The following RSF1 variants were observed in gnomAD, a reference collection of about 807,000 sequenced individuals.
The protein encoded by RSF1 is HBV pX-associated protein 8.
In RSF1, 13 loss-of-function variants were observed where a neutral mutation model predicts 145.2. The observed-to-expected ratio is 0.09, with a 90% CI of 0.06 to 0.14. RSF1 has a LOEUF of 0.14. RSF1 is among the 10% of genes least tolerant of loss of function. The pLI is 1.00. For synonymous variants in RSF1, 577 were observed against 592.6 expected, an observed-to-expected ratio of 0.97 and a Z score of 0.38; for missense variants, 1,517 against 1,718.2, an observed-to-expected ratio of 0.88 and a Z score of 2.07.
At chr11:77,828,762 G>A in the RSF1 span, among the ~76,000 whole-genome samples, 1 of 152,028 alleles carries the variant, frequency 6.6e-6, no homozygotes, top group African/African-American at 2.4e-5. Context: ...TTCATGGATT[G>A]GAAGATTTAA....
chr11:77,734,862 GTA>G lies in RSF1; in HGVS notation c.578+5867_578+5868del, dbSNP rs1453624206. ...TCTCCTCATGAGATTGGTGAAGAAA[GTA>G]TTTGGCAAAGTTCTTCAAAGCCACA... On this transcript the variant is annotated intron_variant, in intron 4 of 15. Transcript: ENST00000308488. 2.5e-6 allele frequency: 4 copies of G among 1,584,304 alleles called. No homozygotes were observed. The East Asian group carries it at 8.9e-5, about 35-fold the overall frequency.
intron 1 of RSF1, among the ~76,000 whole-genome samples, chr11:77,814,786 T>C (rs1466944828): frequency 6.6e-6 from 1 of 152,178 alleles, no homozygotes; most frequent in Non-Finnish European, 1.5e-5. Flanking sequence ...ACCTCAGAAA[T>C]CCTTTGATAA....
chr11:77,790,444 A>G (rs1253896945), intron 1 of RSF1, among the ~76,000 whole-genome samples: 2 of 152,100 alleles, frequency 1.3e-5, no homozygotes, highest in African/African-American at 4.8e-5. Context: ...CAGCCAAGCC[A>G]TATCATCCTG....
At chr11:77,729,772 C>T (rs1961151564) in intron 4 of RSF1, among the ~76,000 whole-genome samples, 1 of 151,712 alleles carries the variant, frequency 6.6e-6, no homozygotes, top group African/African-American at 2.4e-5. Context: ...CAGGTCTTCA[C>T]ATCTACAGAG....
In RSF1 at chr11:77,727,580, G is replaced by C. The variant is rs536508776; in HGVS notation, c.579-1881C>G. On this transcript the variant is annotated intron_variant, in intron 4 of 15. Coordinates refer to ENST00000308488, the MANE Select transcript of RSF1 (RefSeq NM_016578.4). ...CAACCTCCTCCTCCTGGGTTCAAGC[G>C]ATTTTCCTGCCTCAGACTCCCGAGT... 3.4e-5 allele frequency among the ~76,000 whole-genome samples: 5 copies of C among 148,310 alleles called. No individual in the cohort carries two copies. The East Asian group carries it at 1.0e-3, about 30-fold the overall frequency.
At chr11:77,694,004 T>G (rs1378471573) in intron 7 of RSF1, among the ~76,000 whole-genome samples, 2 of 151,932 alleles carry the variant, frequency 1.3e-5, no homozygotes, top group African/African-American at 4.8e-5. Flanking sequence ...AGGATGGTCT[T>G]GATCTCCTGA....
chr11:77,827,995 C>T, the RSF1 span, among the ~76,000 whole-genome samples: 4 of 152,096 alleles, frequency 2.6e-5, no homozygotes, highest in African/African-American at 9.7e-5. Flanking sequence ...GAAATCAGAC[C>T]AGGCACAGTG....
chr11:77,675,144 G>A lies in RSF1; in HGVS notation c.3454C>T (p.Pro1152Ser). 1 of 1,614,118 alleles carries A rather than the reference G, an allele frequency of 6.2e-7. No individual in the cohort carries two copies. Among genetic ancestry groups the A allele is most frequent in the South Asian group, 1.1e-5 (1 of 91,068 alleles). The change falls in exon 14 of 16, where the codon CCC becomes TCC. Residue 1152 changes from proline to serine, a missense_variant. By Grantham distance (74) the Pro-to-Ser change is moderately conservative (BLOSUM62 -1). Transcript: ENST00000308488. ...DFCSRRLRRHPSRPMRQSRRL... is the reference protein window; with the variant it reads ...DFCSRRLRRHSSRPMRQSRRL... ...CTGCTCTGCCTCATTGGCCGAGAGGGGTGTCGCCTCAGTCTACGGCTACAA... is the reference window on the plus strand; with the variant it reads ...CTGCTCTGCCTCATTGGCCGAGAGGAGTGTCGCCTCAGTCTACGGCTACAA...
upstream of RSF1, chr11:77,820,736 G>A (rs1009222843): frequency 5.2e-6 from 8 of 1,537,100 alleles, no homozygotes; most frequent in African/African-American, 5.5e-5. Flanking sequence ...GGATGGAGGA[G>A]GAGGCGATGG....
At chr11:77,833,944 T>A in the RSF1 span, among the ~76,000 whole-genome samples, 1 of 152,232 alleles carries the variant, frequency 6.6e-6, no homozygotes, top group Non-Finnish European at 1.5e-5. Flanking sequence ...CAAAAATGTT[T>A]CTTGAACAGA....
intron 5 of RSF1, among the ~76,000 whole-genome samples, chr11:77,720,188 C>T (rs1172419077): frequency 6.6e-6 from 1 of 152,130 alleles, no homozygotes; most frequent in Non-Finnish European, 1.5e-5. Context: ...CTGTGAGCTG[C>T]CAGTCTGTAA....
At chr11:77,775,218 A>T (rs1948329694) in intron 1 of RSF1, among the ~76,000 whole-genome samples, 1 of 151,558 alleles carries the variant, frequency 6.6e-6, no homozygotes, top group South Asian at 2.1e-4. Flanking sequence ...TTTGCATTCC[A>T]GCCTGGGGGA....
intron 13 of RSF1, among the ~76,000 whole-genome samples, chr11:77,675,600 G>T: frequency 6.6e-6 from 1 of 152,064 alleles, no homozygotes; most frequent in Non-Finnish European, 1.5e-5. Context: ...TCACTCATCC[G>T]GTAACTCCAA....
chr11:77,734,653 T>C, intron 4 of RSF1: 5 of 1,446,442 alleles, frequency 3.5e-6, no homozygotes, highest in Non-Finnish European at 4.8e-6. Context: ...GGGGTCATTT[T>C]TGTCAGTGGC....
intron 5 of RSF1, among the ~76,000 whole-genome samples, chr11:77,712,754 T>C (rs772029583): frequency 1.3e-5 from 2 of 152,204 alleles, no homozygotes; most frequent in Non-Finnish European, 2.9e-5. Flanking sequence ...CCCTTCACCT[T>C]TATTTATTTA....
rs777680460 is a variant in RSF1 at position 77,667,278 on chromosome 11, G to A, written c.3965C>T (p.Ala1322Val). 2 of 1,614,132 alleles carry A rather than the reference G, an allele frequency of 1.2e-6. No homozygotes were observed. The highest frequency in any genetic ancestry group is 2.2e-5 in the East Asian group (1 of 44,880). The change falls in exon 16 of 16, where the codon GCC (alanine) becomes GTC (valine). Residue 1322 changes from alanine to valine, a missense_variant. Ala to Val is a moderately conservative substitution (Grantham distance 64, BLOSUM62 0). Around this residue, in one of 12 missense-constraint regions of RSF1, gnomAD observed 240 missense variants for 231.8 expected, o/e 1.04. Transcript: ENST00000308488. ...CAGGACCCTAGGCTGGCTGTCACGG[G>A]CAGGCTGATTTGCATCTCCATGAGC... ...DNAHGDANQP[A>V]RDSQPRVLPS...
intron 2 of RSF1, among the ~76,000 whole-genome samples, chr11:77,750,228 T>A (rs1009582184): frequency 2.0e-5 from 3 of 152,080 alleles, no homozygotes; most frequent in Non-Finnish European, 4.4e-5. Context: ...ATAATTCTTA[T>A]GCAAAACTAT....
At chr11:77,834,825 C>T in the RSF1 span, among the ~76,000 whole-genome samples, 15 of 152,128 alleles carry the variant, frequency 9.9e-5, no homozygotes, top group Non-Finnish European at 2.1e-4. Flanking sequence ...AAGGACATAA[C>T]TTTTGACATC....
intron 4 of RSF1, among the ~76,000 whole-genome samples, chr11:77,729,895 C>CAAAAAAAAA (rs398045289): frequency 0.084 from 4,105 of 48,676 alleles, 714 homozygotes; most frequent in Non-Finnish European, 0.11. Flanking sequence ...ATTCAGTAGG[C>CAAAAAAAAA]AAAAAAAAAA....
Sources: gnomAD v4.1 joint callset for allele counts (sites outside exome capture counted in the v4.1 genomes callset) on GRCh38, gnomAD v4.1.1 for gene constraint, gnomAD v4.1.1 regional missense constraint, MANE v1.5 for transcripts, NCBI Gene and HGNC (gene_info 2026-07-23, HGNC 2026-07-21) for gene names.